GPR137C: variants seen among roughly 807,000 people sequenced by gnomAD.
GPR137C encodes integral membrane protein GPR137C.
Under a neutral mutation model 43.4 loss-of-function variants are expected in GPR137C, and 27 were observed. The observed-to-expected ratio is 0.62, with a 90% CI of 0.46 to 0.86. The LOEUF is 0.86. Ranked by LOEUF, GPR137C falls within the 40% of genes least tolerant of loss-of-function variation. The pLI is 0.00. For synonymous variants in GPR137C, 285 were observed against 226.9 expected (o/e 1.26, Z -2.30); for missense variants, 522 against 534.6 (o/e 0.98, Z 0.23).
Position 52,632,325 on chromosome 14 carries a change from G to A in GPR137C, c.867+16G>A, listed in dbSNP as rs747922656. 194 of 1,576,928 alleles carry A rather than the reference G, an allele frequency of 1.2e-4. 1 individual carries two copies. In the Admixed American group the frequency reaches 3.3e-3, roughly 27 times the overall value. ...TTCAGATAAGGTAAATACCTACCAC[G>A]TATTGCCAGTCTAACAATGTGATAA... On this transcript the variant is annotated intron_variant, in intron 4 of 6. Coordinates refer to ENST00000321662, the MANE Select transcript of GPR137C (RefSeq NM_001099652.2).
intron 1 of GPR137C, among the ~76,000 whole-genome samples, chr14:52,585,396 GTC>G (rs1054833496): frequency 6.6e-6 from 1 of 152,194 alleles, no homozygotes; most frequent in African/African-American, 2.4e-5. Flanking sequence ...CTCTCGCTCT[GTC>G]TCTCACTGTC....
Position 52,630,054 on chromosome 14 carries a change from C to T in GPR137C, c.718-2106C>T, listed in dbSNP as rs115228398. 2.6e-3 allele frequency among the ~76,000 whole-genome samples: 397 copies of T among 152,180 alleles called. 2 individuals are homozygous for T. The highest frequency in any genetic ancestry group is 9.2e-3 in the African/African-American group (380 of 41,518). ...CGACTTTCGATAACACTTTCTATGT[C>T]GCTGGATCCTTATTTTTCATTTTGT... On this transcript the variant is annotated intron_variant, in intron 3 of 6. Transcript: ENST00000321662.
At chr14:52,577,709 T>A (rs748138324) in intron 1 of GPR137C, among the ~76,000 whole-genome samples, 2 of 149,222 alleles carry the variant, frequency 1.3e-5, no homozygotes, top group African/African-American at 2.5e-5. Flanking sequence ...AAGCATGTAA[T>A]CCCAGCACTT....
chr14:52,588,066 T>TTAAA (rs2038735149), intron 1 of GPR137C, among the ~76,000 whole-genome samples: 1 of 152,210 alleles, frequency 6.6e-6, no homozygotes, highest in Admixed American at 6.5e-5. Flanking sequence ...GTGATACTCT[T>TTAAA]TAAATACAAT....
At chr14:52,616,368 A>C (rs2039099157) in intron 3 of GPR137C, among the ~76,000 whole-genome samples, 2 of 152,144 alleles carry the variant, frequency 1.3e-5, no homozygotes, top group Admixed American at 6.6e-5. Context: ...ATCTCAGCTC[A>C]CTGCAACCTC....
At chr14:52,604,724 A>G (rs1288532049) in intron 3 of GPR137C, among the ~76,000 whole-genome samples, 1 of 152,206 alleles carries the variant, frequency 6.6e-6, no homozygotes, top group Non-Finnish European at 1.5e-5. Flanking sequence ...CCAGGATTAC[A>G]GGCATGAGCC....
In GPR137C at chr14:52,625,255, G is replaced by A. The variant is rs374266384; in HGVS notation, c.718-6905G>A. ...TCCCAGGGCTTCGGGAAGCCGAGGC[G>A]GGTGGATCACAAGGTCAGGAGTTCA... is the stretch of plus-strand genomic sequence containing the variant. On this transcript the variant is annotated intron_variant, in intron 3 of 6. Coordinates refer to ENST00000321662, the MANE Select transcript of GPR137C (RefSeq NM_001099652.2). 9.3e-4 allele frequency among the ~76,000 whole-genome samples: 141 copies of A among 152,052 alleles called. 2 individuals carry two copies. The highest frequency in any genetic ancestry group is 2.3e-3 in the African/African-American group (96 of 41,512).
chr14:52,565,720 A>G (rs868246395), intron 1 of GPR137C, among the ~76,000 whole-genome samples: 9 of 152,290 alleles, frequency 5.9e-5, no homozygotes, highest in South Asian at 2.1e-4. Context: ...GGAACATTTC[A>G]TCTAATTTGT....
At position 52,600,355 on chromosome 14, in the gene GPR137C, T is replaced by G. The variant is rs766476351; in HGVS notation, c.717+14T>G. Reference sequence around the variant, plus strand: ...CTCGAATCAAAGGTAAGAATATTTCTTAAATTGGCACTTGAAAATCTAATT... The same window carrying G: ...CTCGAATCAAAGGTAAGAATATTTCGTAAATTGGCACTTGAAAATCTAATT... On this transcript the variant is annotated intron_variant, in intron 3 of 6. Coordinates refer to ENST00000321662, the MANE Select transcript of GPR137C (RefSeq NM_001099652.2). 7 of 1,410,256 alleles carry G rather than the reference T, an allele frequency of 5.0e-6. No individual in the cohort carries two copies. The Admixed American group carries it at 1.3e-4, about 27-fold the overall frequency. The allele number at this position is 1,410,256 out of a possible 1,614,324, so 87.4% of individuals were successfully genotyped here. A position where few individuals can be genotyped will look rare whatever the true frequency, so the allele number is the denominator to read the frequency against.
chr14:52,565,921 G>T (rs79352724), intron 1 of GPR137C, among the ~76,000 whole-genome samples: 13,617 of 152,154 alleles, frequency 0.089, 674 homozygotes, highest in East Asian at 0.15. Context: ...TTCTGGGCCA[G>T]TTGTATAATT....
intron 5 of GPR137C, 27 bp downstream of exon 5, chr14:52,633,682 G>T: frequency 1.2e-6 from 2 of 1,606,432 alleles, no homozygotes; most frequent in Non-Finnish European, 8.5e-7. Context: ...CCCAATGCCT[G>T]TTCTCCTATT....
intron 4 of GPR137C, among the ~76,000 whole-genome samples, chr14:52,633,171 G>A (rs929500554): frequency 6.6e-6 from 1 of 152,088 alleles, no homozygotes; most frequent in Non-Finnish European, 1.5e-5. Flanking sequence ...TGTAATTAGG[G>A]TAAGTGCTGT....
Position 52,553,525 on chromosome 14 carries a change from G to A in GPR137C, c.378G>A (p.Leu126=). The A allele has an allele frequency of 6.2e-7, 1 of 1,609,468 alleles. No homozygotes were observed. Among genetic ancestry groups the A allele is most frequent in the African/African-American group, 1.3e-5 (1 of 75,048 alleles). The change falls in exon 1 of 7, where the codon CTG becomes CTA. Residue 126 remains leucine, a synonymous_variant. Coordinates refer to ENST00000321662, the MANE Select transcript of GPR137C (RefSeq NM_001099652.2). ...ACCTGCACTTCTTCCCCCACTGGCT[G>A]CTCTACTGCTTCCCCTCCTGTCTCC... is the stretch of plus-strand genomic sequence containing the variant. The part of the protein sequence containing the change: ...PAHLHFFPHW[L]LYCFPSCLQF...
At chr14:52,570,953 A>G (rs910415988) in intron 1 of GPR137C, among the ~76,000 whole-genome samples, 1 of 152,188 alleles carries the variant, frequency 6.6e-6, no homozygotes. Flanking sequence ...TAACAAGGAT[A>G]TTCAGGACTT....
At chr14:52,586,794 A>G (rs887306131) in intron 1 of GPR137C, among the ~76,000 whole-genome samples, 3 of 152,206 alleles carry the variant, frequency 2.0e-5, no homozygotes. Context: ...TAAATATAAC[A>G]ATACATTTCG....
In GPR137C at chr14:52,573,538, G is replaced by A. The variant is rs529405893; in HGVS notation, c.444+19947G>A. ...TAGCCATATGCAGAACACTGAAACT[G>A]GACCCCTTCCTTACACCTTATACAA... On this transcript the variant is annotated intron_variant, in intron 1 of 6. Transcript: ENST00000321662. Among the ~76,000 whole-genome samples, 6 of 152,246 alleles carry A rather than the reference G, an allele frequency of 3.9e-5. No individual in the cohort carries two copies. In the East Asian group the frequency reaches 1.2e-3, roughly 29 times the overall value.
intron 3 of GPR137C, among the ~76,000 whole-genome samples, chr14:52,617,798 T>C (rs190583292): frequency 6.6e-6 from 1 of 152,330 alleles, no homozygotes; most frequent in African/African-American, 2.4e-5. Flanking sequence ...ATCTTTAAGC[T>C]TCACTTTCCT....
At chr14:52,580,438 C>T (rs1348303116) in intron 1 of GPR137C, among the ~76,000 whole-genome samples, 1 of 152,150 alleles carries the variant, frequency 6.6e-6, no homozygotes, top group Non-Finnish European at 1.5e-5. Context: ...TCTCGGCTCA[C>T]TGCAATCTTC....
chr14:52,577,287 T>TTTG (rs1393915138), intron 1 of GPR137C, among the ~76,000 whole-genome samples: 9 of 150,398 alleles, frequency 6.0e-5, no homozygotes, highest in Admixed American at 1.3e-4. Flanking sequence ...AATCAAAATA[T>TTTG]TTGTTGAAAC....
Sources: gnomAD v4.1 joint callset for allele counts (sites outside exome capture counted in the v4.1 genomes callset) on GRCh38, gnomAD v4.1.1 for gene constraint, MANE v1.5 for transcripts, NCBI Gene and HGNC (gene_info 2026-07-23, HGNC 2026-07-21) for gene names.